Variants in PRAME observed in about 807,000 individuals in gnomAD.
The protein encoded by PRAME is PRAME nuclear receptor transcriptional regulator.
A neutral mutation model predicts 32.1 loss-of-function variants in PRAME; 21 were observed. That is an observed-to-expected ratio of 0.65 (90% CI 0.46 to 0.94). The LOEUF (loss-of-function observed/expected upper bound fraction) is 0.94. PRAME is among the 40% of genes least tolerant of loss of function. The probability of loss-of-function intolerance (pLI) is 0.00; values close to 1 mark genes in which losing one functional copy is unlikely to be tolerated. For missense variants in PRAME, 651 were observed against 622.3 expected, an observed-to-expected ratio of 1.05 and a Z score of -0.49; for synonymous variants, 274 against 251.5, an observed-to-expected ratio of 1.09 and a Z score of -0.85.
At chr22:22,554,605 C>T (rs983847015) in intron 3 of PRAME, among the ~76,000 whole-genome samples, 2 of 151,936 alleles carry the variant, frequency 1.3e-5, no homozygotes, top group African/African-American at 4.8e-5. Flanking sequence ...CTCAAATAGC[C>T]TTCACAGAGA....
At chr22:22,557,001 G>A in intron 2 of PRAME, 92 bp from the exon 3 acceptor site, 1 of 767,292 alleles carries the variant, frequency 1.3e-6, no homozygotes, top group South Asian at 1.6e-5. Flanking sequence ...CGCAAATACT[G>A]CTGAGGAAAC....
At chr22:22,556,779 G>C (rs1306015111) in intron 3 of PRAME, 33 bp downstream of exon 3, 1 of 1,612,228 alleles carries the variant, frequency 6.2e-7, no homozygotes, top group African/African-American at 1.3e-5. Context: ...GGGCTTCTCT[G>C]AGCACCTCAG....
intron 3 of PRAME, chr22:22,554,097 C>T (rs1340182561): frequency 4.4e-6 from 4 of 918,782 alleles, no homozygotes; most frequent in Non-Finnish European, 5.0e-6. Flanking sequence ...CATTTTCCGT[C>T]ACAAAAAATT....
rs531364304 is a variant in PRAME, at chr22:22,550,841, T to A, written c.270A>T (p.Gln90His). The A allele has an allele frequency of 1.2e-6, 2 of 1,613,224 alleles. No homozygotes were observed. Among genetic ancestry groups the A allele is most frequent in the African/African-American group, 1.3e-5 (1 of 74,986 alleles). Residue 90 changes from glutamine to histidine, a missense_variant, in exon 4 of 6, where the codon CAA (glutamine) becomes CAT (histidine). By Grantham distance (24) the Gln-to-His change is conservative. Transcript: ENST00000405655. ...CTTTGAAGGTCTCCAGGTGAAGATG[T>A]TGTCCCTTCATCAGCACTCCCAGAG... Reference protein sequence around the residue: ...CLPLGVLMKGQHLHLETFKAV... With the variant: ...CLPLGVLMKGHHLHLETFKAV...
In PRAME at chr22:22,550,065, A is replaced by T; in HGVS notation, c.614T>A (p.Val205Glu). 6.2e-7 allele frequency: 1 copy of T among 1,613,892 alleles called. No individual in the cohort carries two copies. The highest frequency in any genetic ancestry group is 1.1e-5 in the South Asian group (1 of 91,070). Residue 205 changes from valine (V) to glutamate (E), a missense_variant, in exon 5 of 6, where the codon GTA (valine) becomes GAA (glutamate). By Grantham distance (121) the Val-to-Glu change is moderately radical (BLOSUM62 -2). Transcript: ENST00000405655. ...CAGCTTCTTACAGCACAGGCGTAGT[A>T]CATTTTTCTTTCGCTTCACTTTCTC... ...LIEKVKRKKN[V>E]LRLCCKKLKI...
At chr22:22,558,144 TG>T (rs1253883328) in intron 1 of PRAME, among the ~76,000 whole-genome samples, 1 of 62 alleles carries the variant, frequency 0.016, no homozygotes, top group Non-Finnish European at 0.042. Context: ...AGAAAGACAG[TG>T]GGGGGGGATG....
chr22:22,550,452 T>G, intron 4 of PRAME, 118 bp from the exon 5 acceptor site: 1 of 1,352,604 alleles, frequency 7.4e-7, no homozygotes, highest in Non-Finnish European at 1.0e-6. Context: ...ATCTGCACTT[T>G]TACTTCGTAC....
chr22:22,553,698 T>G (rs999280098), intron 3 of PRAME: 26 of 747,854 alleles, frequency 3.5e-5, no homozygotes, highest in Non-Finnish European at 4.1e-5. Context: ...GTAATATTGG[T>G]GACCAAACCT....
rs755447323 is a variant in PRAME at position 22,548,223 on chromosome 22, C to G, written c.1374G>C (p.Glu458Asp). The G allele has an allele frequency of 6.2e-7, 1 of 1,613,836 alleles. No individual in the cohort carries two copies. Residue 458 changes from glutamate to aspartate, a missense_variant, in exon 6 of 6, where the codon GAG becomes GAC. Physicochemically the swap from Glu to Asp is conservative, Grantham distance 45 (BLOSUM62 2). Coordinates refer to ENST00000405655, the MANE Select transcript of PRAME (RefSeq NM_206956.3). ...GCCTGGCATGCAGATAGGCAAGCCT[C>G]TCCAGGTGGAGGGTACCATGGATGT... The part of the protein sequence containing the change: ...YEDIHGTLHL[E>D]RLAYLHARLR...
At chr22:22,555,940 A>C (rs980658670) in intron 3 of PRAME, 7 of 468,458 alleles carry the variant, frequency 1.5e-5, no homozygotes, top group African/African-American at 1.4e-4. Flanking sequence ...TACCCCGGGG[A>C]AAGGTTCTGA....
intron 3 of PRAME, 73 bp downstream of exon 3, chr22:22,556,739 T>C (rs937082372): frequency 6.3e-7 from 1 of 1,581,648 alleles, no homozygotes; most frequent in Non-Finnish European, 8.7e-7. Flanking sequence ...AGCTCCCATC[T>C]GGCTCGAGTG....
At position 22,549,823 on chromosome 22, in the gene PRAME, C is replaced by T. The variant is rs752912693; in HGVS notation, c.856G>A (p.Ala286Thr). The change falls in exon 5 of 6, where the codon GCC becomes ACC. Residue 286 changes from alanine (A) to threonine (T), a missense_variant. Physicochemically the swap from Ala to Thr is moderately conservative, Grantham distance 58 (BLOSUM62 0). Transcript: ENST00000405655. ...ISPEKEEQYI[A>T]QFTSQFLSLQ... ...CTGAGGAACTGAGAGGTGAACTGGG[C>T]GATATACTGCTCTTCCTTCTCCGGG... 1.2e-5 allele frequency: 19 copies of T among 1,613,610 alleles called. No homozygotes were observed. The East Asian group carries it at 1.6e-4, about 13-fold the overall frequency.
intron 3 of PRAME, among the ~76,000 whole-genome samples, chr22:22,551,976 C>G (rs998165987): frequency 1.3e-5 from 2 of 151,176 alleles, no homozygotes; most frequent in Non-Finnish European, 2.9e-5. Flanking sequence ...ATCTTGTATA[C>G]TAGATATCTT....
At chr22:22,552,802 G>T (rs534718841) in intron 3 of PRAME, 69 of 470,428 alleles carry the variant, frequency 1.5e-4, no homozygotes, top group South Asian at 1.1e-3. Context: ...TGAGGCTCCC[G>T]ACTCACCAGA....
intron 5 of PRAME, among the ~76,000 whole-genome samples, chr22:22,549,211 T>C (rs2062420555): frequency 6.6e-6 from 1 of 151,902 alleles, no homozygotes; most frequent in South Asian, 2.1e-4. Context: ...TTCTCTGTTG[T>C]TCCTTCTCCC....
At chr22:22,549,257 C>T (rs1044349536) in intron 5 of PRAME, among the ~76,000 whole-genome samples, 6 of 151,912 alleles carry the variant, frequency 3.9e-5, no homozygotes, top group Admixed American at 3.9e-4. Flanking sequence ...ACCTATTACC[C>T]TAACTGGAAT....
Position 22,551,175 on chromosome 22 carries a change from C to T in PRAME, c.22-86G>A, listed in dbSNP as rs1204646216. 11 of 1,265,468 alleles carry T rather than the reference C, an allele frequency of 8.7e-6. No homozygotes were observed. In the East Asian group the frequency reaches 2.1e-4, roughly 25 times the overall value. 78.4% of individuals were successfully genotyped at this position (1,265,468 alleles called of 1,614,324 possible). A position where few individuals can be genotyped will look rare whatever the true frequency, so the allele number is the denominator to read the frequency against. On this transcript the variant is annotated intron_variant, in intron 3 of 5. Coordinates refer to ENST00000405655, the MANE Select transcript of PRAME (RefSeq NM_206956.3). ...TTTCCTCACCCTTCTGAGGGACCAA[C>T]TTAGGGCCAAAGTCACTGTGCTAGC...
Position 22,551,029 on chromosome 22 carries a change from C to T in PRAME, c.82G>A (p.Glu28Lys). 1 of 1,610,370 alleles carries T rather than the reference C, an allele frequency of 6.2e-7. No homozygotes were observed. Among genetic ancestry groups the T allele is most frequent in the Non-Finnish European group, 8.5e-7 (1 of 1,177,596 alleles). Residue 28 changes from glutamate (E) to lysine (K), a missense_variant, in exon 4 of 6, where the codon GAG becomes AAG. By Grantham distance (56) the Glu-to-Lys change is moderately conservative. Coordinates refer to ENST00000405655, the MANE Select transcript of PRAME (RefSeq NM_206956.3). ...SVWTSPRRLV[E>K]LAGQSLLKDE... ...TTCAGCAGGCTCTGCCCTGCCAGCTCCACAAGTCTCCGTGGGCTTGTCCAC... is the reference window on the plus strand; with the variant it reads ...TTCAGCAGGCTCTGCCCTGCCAGCTTCACAAGTCTCCGTGGGCTTGTCCAC...
At chr22:22,555,809 T>C (rs961979751) in intron 3 of PRAME, 8 of 459,764 alleles carry the variant, frequency 1.7e-5, no homozygotes, top group Non-Finnish European at 3.2e-5. Context: ...GCAATCTTGT[T>C]GCTCACTTCC....
Sources: allele counts gnomAD v4.1 joint callset (sites outside exome capture counted in the v4.1 genomes callset), GRCh38; gene constraint gnomAD v4.1.1; transcripts MANE v1.5; gene names NCBI Gene and HGNC (gene_info 2026-07-23, HGNC 2026-07-21).